The following TFB1M variants were observed in gnomAD, a reference collection of about 807,000 sequenced individuals.
TFB1M encodes dimethyladenosine transferase 1, mitochondrial.
TFB1M carries 27 observed loss-of-function variants against 31.1 expected under a neutral mutation model. The ratio of observed to expected loss-of-function variants is 0.87; its 90% CI spans 0.64 to 1.20. TFB1M has a LOEUF of 1.20. Among genes scored for constraint, TFB1M ranks in the 50% most tolerant of loss-of-function variants. The pLI, the probability that TFB1M is intolerant of heterozygous loss-of-function variation, is 0.00. For synonymous variants in TFB1M, 166 were observed against 151.8 expected (o/e 1.09, Z -0.69); for missense variants, 394 against 418.7 (o/e 0.94, Z 0.51).
chr6:155,259,252 G>T lies in TFB1M; in HGVS notation c.794+1021C>A, dbSNP rs1374520013. On this transcript the variant is annotated intron_variant, in intron 6 of 6. Coordinates refer to ENST00000367166, the MANE Select transcript of TFB1M (RefSeq NM_016020.4). ...CTCACCAGCAGTGCACAGTAGCTGG[G>T]GGCTGCAGCCAAAATGGCTGGCCAG... Among the ~76,000 whole-genome samples, 2 of 152,324 alleles carry T rather than the reference G, an allele frequency of 1.3e-5. 1 individual carries two copies. Among genetic ancestry groups the T allele is most frequent in the South Asian group, 4.1e-4 (2 of 4,828 alleles).
chr6:155,231,565 C>T, the TFB1M span, among the ~76,000 whole-genome samples: 43 of 152,338 alleles, frequency 2.8e-4, no homozygotes, highest in East Asian at 7.1e-3. Context: ...CTCCACTCCA[C>T]GGAGCATGCC....
intron 4 of TFB1M, among the ~76,000 whole-genome samples, chr6:155,292,407 G>A (rs539927037): frequency 2.0e-5 from 3 of 152,276 alleles, no homozygotes; most frequent in East Asian, 1.9e-4. Flanking sequence ...AGGTGCCTGA[G>A]GCTTGGGAGC....
intron 1 of TFB1M, 51 bp from the exon 2 acceptor site, chr6:155,311,390 G>A (rs754506725): frequency 1.5e-5 from 22 of 1,503,414 alleles, no homozygotes; most frequent in South Asian, 6.8e-5. Context: ...AAATTTCAAC[G>A]TATGAAATTT....
intron 2 of TFB1M, among the ~76,000 whole-genome samples, chr6:155,306,331 C>T (rs1777762303): frequency 6.6e-6 from 1 of 151,956 alleles, no homozygotes; most frequent in South Asian, 2.1e-4. Flanking sequence ...CCACAGGACC[C>T]GGATATTCTA....
chr6:155,265,267 C>T (rs533358536), intron 5 of TFB1M, among the ~76,000 whole-genome samples: 50 of 152,326 alleles, frequency 3.3e-4, no homozygotes, highest in Non-Finnish European at 2.9e-4. Context: ...GAGCAACTCC[C>T]GTCCCTCAGA....
chr6:155,293,255 A>T (rs1777015522), intron 4 of TFB1M, among the ~76,000 whole-genome samples: 1 of 152,042 alleles, frequency 6.6e-6, no homozygotes, highest in South Asian at 2.1e-4. Context: ...TTTAGAGATA[A>T]TTTTTTTTCA....
chr6:155,298,499 A>T lies in TFB1M; in HGVS notation c.372T>A (p.Ser124Arg), dbSNP rs1777283686. Residue 124 changes from serine (S) to arginine (R), a missense_variant, in exon 3 of 7, where the codon AGT becomes AGA. Physicochemically the swap from Ser to Arg is moderately radical, Grantham distance 110. This residue lies in a region of TFB1M where 273 missense variants were observed against 256.4 expected (regional missense o/e 1.06). Transcript: ENST00000367166. ...TFKVEKAFSESLKRPWEDDPP... is the reference protein window; with the variant it reads ...TFKVEKAFSERLKRPWEDDPP... ...CACCATCTTCCCAGGGTCTTTTAAG[A>T]CTTTCTGAAAAAGCCTTTTCTACCT... 3.1e-6 allele frequency: 5 copies of T among 1,608,462 alleles called. No individual in the cohort carries two copies. Among genetic ancestry groups the T allele is most frequent in the Admixed American group, 1.7e-5 (1 of 59,998 alleles).
chr6:155,268,459 C>A (rs551120082), intron 5 of TFB1M, among the ~76,000 whole-genome samples: 50 of 152,304 alleles, frequency 3.3e-4, no homozygotes, highest in African/African-American at 1.2e-3. Context: ...GCTTTATAAA[C>A]TGTTAAGCTC....
intron 2 of TFB1M, among the ~76,000 whole-genome samples, chr6:155,301,920 G>T (rs1777448970): frequency 6.6e-6 from 1 of 151,778 alleles, no homozygotes; most frequent in Non-Finnish European, 1.5e-5. Context: ...CTTTGTAAAG[G>T]GTACATGAAA....
chr6:155,263,813 G>A (rs945225324), intron 5 of TFB1M, among the ~76,000 whole-genome samples: 14 of 152,028 alleles, frequency 9.2e-5, no homozygotes, highest in African/African-American at 3.4e-4. Flanking sequence ...TCTACAAAAG[G>A]GTCTTCATTC....
chr6:155,281,105 T>C (rs1016659430), intron 5 of TFB1M, among the ~76,000 whole-genome samples: 9 of 152,222 alleles, frequency 5.9e-5, no homozygotes, highest in African/African-American at 2.2e-4. Flanking sequence ...TACAACTTAG[T>C]CCATAAATAT....
At chr6:155,258,181 T>A in intron 6 of TFB1M, 99 bp from the exon 7 acceptor site, 3 of 1,393,256 alleles carry the variant, frequency 2.2e-6, no homozygotes, top group Non-Finnish European at 3.0e-6. Context: ...ACAACACAGT[T>A]GCTGGCTACT....
chr6:155,303,216 AGGGAT>A (rs1437746003), intron 2 of TFB1M: 1 of 152,216 alleles, frequency 6.6e-6, no homozygotes, highest in East Asian at 1.9e-4. Context: ...GCCAATGTAT[AGGGAT>A]GCTATATGGC....
At chr6:155,269,066 A>C (rs1269817962) in intron 5 of TFB1M, among the ~76,000 whole-genome samples, 1 of 151,400 alleles carries the variant, frequency 6.6e-6, no homozygotes, top group Non-Finnish European at 1.5e-5. Context: ...TGGACTTTGC[A>C]GGACTGAGAA....
At position 155,307,136 on chromosome 6, in the gene TFB1M, T is replaced by TACATACACACACAC. The variant is rs934986395; in HGVS notation, c.285+4051_285+4052insGTGTGTGTGTATGT. On this transcript the variant is annotated intron_variant, in intron 2 of 6. Transcript: ENST00000367166. ...AGAGTGAGACCATGTCTCAAACACATACACACACACACACACACACACACA... is the reference window on the plus strand; with the variant it reads ...AGAGTGAGACCATGTCTCAAACACATACATACACACACACACACACACACACACACACACACACA... Among the ~76,000 whole-genome samples, 76 of 147,352 alleles carry TACATACACACACAC rather than the reference T, an allele frequency of 5.2e-4. 1 individual carries two copies. Among genetic ancestry groups the TACATACACACACAC allele is most frequent in the African/African-American group, 1.9e-3 (74 of 39,248 alleles).
intron 5 of TFB1M, among the ~76,000 whole-genome samples, chr6:155,282,372 A>G (rs1181261899): frequency 6.6e-6 from 1 of 152,242 alleles, no homozygotes; most frequent in Non-Finnish European, 1.5e-5. Context: ...TGAGTTAGTT[A>G]AAAGATTGAG....
chr6:155,241,155 C>T, the TFB1M span, among the ~76,000 whole-genome samples: 1 of 152,044 alleles, frequency 6.6e-6, no homozygotes, highest in Admixed American at 6.5e-5. Flanking sequence ...AGAACTGGGA[C>T]GCACACACTG....
intron 5 of TFB1M, among the ~76,000 whole-genome samples, chr6:155,272,562 C>T (rs543955361): frequency 6.6e-6 from 1 of 151,840 alleles, no homozygotes; most frequent in Non-Finnish European, 1.5e-5. Flanking sequence ...TGCCTTTATT[C>T]TCTACGAGAT....
At chr6:155,308,336 T>C (rs1041184424) in intron 2 of TFB1M, among the ~76,000 whole-genome samples, 3 of 152,310 alleles carry the variant, frequency 2.0e-5, no homozygotes, top group South Asian at 2.1e-4. Context: ...CTTCCTCCTA[T>C]ACCTCTTTCC....
Sources: gnomAD v4.1 joint callset for allele counts (sites outside exome capture counted in the v4.1 genomes callset) on GRCh38, gnomAD v4.1.1 for gene constraint, gnomAD v4.1.1 regional missense constraint, MANE v1.5 for transcripts, NCBI Gene and HGNC (gene_info 2026-07-23, HGNC 2026-07-21) for gene names.